TGFA: variants seen among roughly 807,000 people sequenced by gnomAD.
The protein encoded by TGFA is transforming growth factor alpha, also known as protransforming growth factor alpha.
TGFA carries 12 observed loss-of-function variants against 21.7 expected under a neutral mutation model. That is an observed-to-expected ratio of 0.55 (90% confidence interval 0.35 to 0.90). TGFA has a LOEUF of 0.90. TGFA is among the 40% of genes least tolerant of loss of function. The probability of loss-of-function intolerance (pLI) is 0.01; values close to 1 mark genes in which losing one functional copy is unlikely to be tolerated. For synonymous variants in TGFA, 79 were observed against 88.1 expected (o/e 0.90, Z 0.58); for missense variants, 178 against 210.8 (o/e 0.84, Z 0.96).
chr2:70,452,696 C>T (rs1670094852), intron 5 of TGFA, among the ~76,000 whole-genome samples: 2 of 152,112 alleles, frequency 1.3e-5, no homozygotes, highest in Admixed American at 6.5e-5. Context: ...AATCCCAGCA[C>T]TTTGGGAGGC....
At chr2:70,482,555 G>A (rs1333116507) in intron 2 of TGFA, among the ~76,000 whole-genome samples, 1 of 152,188 alleles carries the variant, frequency 6.6e-6, no homozygotes, top group Non-Finnish European at 1.5e-5. Context: ...GGTCAGCTAA[G>A]GCCTCTGGCT....
At chr2:70,494,050 G>T (rs1247531739) in intron 2 of TGFA, among the ~76,000 whole-genome samples, 1 of 152,178 alleles carries the variant, frequency 6.6e-6, no homozygotes, top group Non-Finnish European at 1.5e-5. Flanking sequence ...CACCAGGAGG[G>T]ATGGTTCCCT....
chr2:70,532,832 C>G (rs983224486), intron 1 of TGFA, among the ~76,000 whole-genome samples: 1 of 151,618 alleles, frequency 6.6e-6, no homozygotes, highest in Non-Finnish European at 1.5e-5. Flanking sequence ...TGAAGCACAT[C>G]TCTGAATAAT....
intron 2 of TGFA, among the ~76,000 whole-genome samples, chr2:70,475,980 ACT>A (rs1411112303): frequency 6.9e-6 from 1 of 144,666 alleles, no homozygotes; most frequent in African/African-American, 2.6e-5. Flanking sequence ...CGAAGATCAC[ACT>A]CTCTGCCACT....
intron 1 of TGFA, among the ~76,000 whole-genome samples, chr2:70,516,449 A>G (rs1672281077): frequency 6.6e-6 from 1 of 152,222 alleles, no homozygotes; most frequent in African/African-American, 2.4e-5. Context: ...TAAGAACTTC[A>G]GACTGCTTTT....
intron 2 of TGFA, among the ~76,000 whole-genome samples, chr2:70,481,764 G>T (rs1574090312): frequency 6.6e-6 from 1 of 152,330 alleles, no homozygotes; most frequent in East Asian, 1.9e-4. Flanking sequence ...GAAGCTAGTT[G>T]CTAAGTCATT....
chr2:70,473,758 C>T (rs1013418819), intron 2 of TGFA, among the ~76,000 whole-genome samples: 1 of 152,092 alleles, frequency 6.6e-6, no homozygotes, highest in Non-Finnish European at 1.5e-5. Context: ...AGATCACTAT[C>T]TTTTAAACGA....
chr2:70,450,839 A>C lies in TGFA; in HGVS notation c.*20T>G, dbSNP rs1553489498. On this transcript the variant is annotated 3_prime_UTR_variant, in exon 6 of 6. Transcript: ENST00000295400. ...TTGATCTGCCACAGTCCACCTGGCC[A>C]AACTCCTCCTCTGGGCTCTTCAGAC... is the stretch of plus-strand genomic sequence containing the variant. 1 of 1,609,344 alleles carries C rather than the reference A, an allele frequency of 6.2e-7. No homozygotes were observed.
intron 2 of TGFA, among the ~76,000 whole-genome samples, chr2:70,470,039 G>A (rs1670689185): frequency 1.3e-5 from 2 of 151,876 alleles, no homozygotes; most frequent in South Asian, 4.1e-4. Flanking sequence ...GTGTGTGGGA[G>A]AAACAGCGAG....
At chr2:70,547,967 G>C (rs1415993784) in intron 1 of TGFA, among the ~76,000 whole-genome samples, 4 of 151,560 alleles carry the variant, frequency 2.6e-5, no homozygotes, top group Admixed American at 6.6e-5. Context: ...TGGAATTATA[G>C]GTCATGAAAA....
intron 4 of TGFA, 74 bp downstream of exon 4, chr2:70,456,265 T>C: frequency 6.7e-7 from 1 of 1,486,744 alleles, no homozygotes; most frequent in Non-Finnish European, 9.0e-7. Flanking sequence ...GGCCCTGTTA[T>C]CTGGATATAC....
rs144816237 is a variant in TGFA at position 70,506,154 on chromosome 2, C to T, written c.94+8705G>A. On this transcript the variant is annotated intron_variant, in intron 2 of 5. Transcript: ENST00000295400. ...ACAGTAAGGCCAATGAGAGAGAAGA[C>T]GTTTGAGGTTTGAGGTGGCCCAAGT... Among the ~76,000 whole-genome samples, 122 of 152,272 alleles carry T rather than the reference C, an allele frequency of 8.0e-4. 2 individuals carry two copies. In the East Asian group the frequency reaches 0.019, roughly 23 times the overall value.
At chr2:70,508,304 G>T (rs1266650135) in intron 2 of TGFA, among the ~76,000 whole-genome samples, 1 of 152,206 alleles carries the variant, frequency 6.6e-6, no homozygotes, top group African/African-American at 2.4e-5. Flanking sequence ...AATTAGCTGG[G>T]CGTGGTAGCC....
intron 5 of TGFA, among the ~76,000 whole-genome samples, chr2:70,451,362 C>T (rs879964015): frequency 6.6e-6 from 1 of 152,238 alleles, no homozygotes; most frequent in Admixed American, 6.5e-5. Flanking sequence ...CTGAGTTCAG[C>T]TTAGCCTGGA....
intron 5 of TGFA, among the ~76,000 whole-genome samples, chr2:70,451,274 A>G (rs1419007524): frequency 6.6e-6 from 1 of 152,196 alleles, no homozygotes; most frequent in East Asian, 1.9e-4. Context: ...GAATGGACCC[A>G]TTTATTTTTC....
chr2:70,464,388 G>T (rs564052211), intron 3 of TGFA, among the ~76,000 whole-genome samples: 1 of 152,226 alleles, frequency 6.6e-6, no homozygotes, highest in Non-Finnish European at 1.5e-5. Context: ...TGATTAGTAT[G>T]AAACTGCCAA....
At chr2:70,476,109 T>TAAAAA (rs1670926055) in intron 2 of TGFA, among the ~76,000 whole-genome samples, 921 of 77,502 alleles carry the variant, frequency 0.012, 38 homozygotes, top group East Asian at 0.041. Context: ...AAAAAAAAAT[T>TAAAAA]AAGAAAATTA....
In TGFA at chr2:70,448,965, C is replaced by T. The variant is rs781865621; in HGVS notation, c.*1894G>A. Reference sequence around the variant, plus strand: ...TGATAGAGGTCTAAAAACCAGTGTCCGTTGATTGGTCTCTAAGCAGGATGC... The same window carrying T: ...TGATAGAGGTCTAAAAACCAGTGTCTGTTGATTGGTCTCTAAGCAGGATGC... On this transcript the variant is annotated 3_prime_UTR_variant, in exon 6 of 6. Coordinates refer to ENST00000295400, the MANE Select transcript of TGFA (RefSeq NM_003236.4). 16 of 152,148 alleles carry T rather than the reference C, an allele frequency of 1.1e-4. No homozygotes were observed. Among genetic ancestry groups the T allele is most frequent in the Admixed American group, 7.9e-4 (12 of 15,262 alleles). 9.4% of individuals were successfully genotyped at this position (152,148 alleles called of 1,614,324 possible).
At chr2:70,459,123 G>A (rs543300780) in intron 3 of TGFA, among the ~76,000 whole-genome samples, 76 of 152,292 alleles carry the variant, frequency 5.0e-4, no homozygotes, top group African/African-American at 1.8e-3. Context: ...CACACAGCTT[G>A]AAACGTTTCT....
Sources: allele counts gnomAD v4.1 joint callset (sites outside exome capture counted in the v4.1 genomes callset), GRCh38; gene constraint gnomAD v4.1.1; transcripts MANE v1.5; gene names NCBI Gene and HGNC (gene_info 2026-07-23, HGNC 2026-07-21).